The following ZBTB20 variants were observed in gnomAD, a reference collection of about 807,000 sequenced individuals.
The protein encoded by ZBTB20 is zinc finger and BTB domain containing 20, also known as zinc finger and BTB domain-containing protein 20.
A neutral mutation model predicts 56.9 loss-of-function variants in ZBTB20; 9 were observed. The ratio of observed to expected loss-of-function variants is 0.16; its 90% confidence interval spans 0.10 to 0.28. The LOEUF (loss-of-function observed/expected upper bound fraction) is 0.28. ZBTB20 is among the 10% of genes least tolerant of loss of function. The pLI is 1.00. For missense variants in ZBTB20, 655 were observed against 1,003.0 expected (o/e 0.65, Z 4.69); for synonymous variants, 417 against 420.7 (o/e 0.99, Z 0.11).
intron 6 of ZBTB20, among the ~76,000 whole-genome samples, chr3:114,518,190 G>A (rs953101017): frequency 6.6e-5 from 10 of 152,004 alleles, no homozygotes; most frequent in East Asian, 3.9e-4. Context: ...TGAAGTTTTC[G>A]GTTTCTTCTT....
At chr3:114,420,336 C>G (rs1306124694) in intron 7 of ZBTB20, among the ~76,000 whole-genome samples, 3 of 152,132 alleles carry the variant, frequency 2.0e-5, no homozygotes, top group Admixed American at 2.0e-4. Flanking sequence ...TGGAGTTATC[C>G]TTGGTGTTAA....
intron 10 of ZBTB20, 47 bp from the exon 11 acceptor site, chr3:114,351,925 A>G: frequency 2.6e-6 from 4 of 1,552,788 alleles, no homozygotes; most frequent in Non-Finnish European, 3.5e-6. Flanking sequence ...GGTCAGATCT[A>G]GCTGGTTGCA....
In ZBTB20 at chr3:114,701,380, A is replaced by G. The variant is rs1267762370; in HGVS notation, c.-342-7805T>C. Reference sequence around the variant, plus strand: ...AATTTCTTGCTCCTATTTCTTTAGCATTGTCTACAATATCTGATACCTATA... The same window carrying G: ...AATTTCTTGCTCCTATTTCTTTAGCGTTGTCTACAATATCTGATACCTATA... On this transcript the variant is annotated intron_variant, in intron 5 of 11. Coordinates refer to ENST00000675478, the MANE Select transcript of ZBTB20 (RefSeq NM_001348800.3). Among the ~76,000 whole-genome samples, 8 of 152,140 alleles carry G rather than the reference A, an allele frequency of 5.3e-5. 1 individual carries two copies. Among genetic ancestry groups the G allele is most frequent in the Non-Finnish European group, 1.2e-4 (8 of 68,030 alleles).
At chr3:114,375,962 T>C in intron 10 of ZBTB20, 1 of 152,342 alleles carries the variant, frequency 6.6e-6, no homozygotes, top group African/African-American at 2.4e-5. Context: ...AGTTAGTAAT[T>C]AATTGCTCTT....
At chr3:114,712,601 C>A (rs374105609) in intron 5 of ZBTB20, among the ~76,000 whole-genome samples, 68 of 148,702 alleles carry the variant, frequency 4.6e-4, no homozygotes, top group Non-Finnish European at 7.7e-4. Context: ...TGTGGTGAGC[C>A]GAGATCGTGC....
intron 4 of ZBTB20, among the ~76,000 whole-genome samples, chr3:114,865,190 A>G (rs1301604201): frequency 6.6e-6 from 1 of 152,162 alleles, no homozygotes; most frequent in Admixed American, 6.5e-5. Flanking sequence ...GAATTGAGTC[A>G]ACACTTCTAG....
chr3:114,939,380 G>A (rs2107843787), intron 3 of ZBTB20, among the ~76,000 whole-genome samples: 1 of 145,996 alleles, frequency 6.8e-6, no homozygotes, highest in South Asian at 2.1e-4. Flanking sequence ...CTATTACAAT[G>A]GAAAACTTAT....
intron 3 of ZBTB20, among the ~76,000 whole-genome samples, chr3:114,971,107 TA>T (rs2077864112): frequency 6.6e-6 from 1 of 152,258 alleles, no homozygotes; most frequent in Admixed American, 6.5e-5. Flanking sequence ...ACTGGGAATT[TA>T]TATATTTTAA....
chr3:114,560,416 T>C (rs2051856959), intron 6 of ZBTB20, among the ~76,000 whole-genome samples: 1 of 152,150 alleles, frequency 6.6e-6, no homozygotes, highest in Non-Finnish European at 1.5e-5. Context: ...CTTCACTTAA[T>C]CCTCCCAGCA....
intron 5 of ZBTB20, among the ~76,000 whole-genome samples, chr3:114,800,750 AAAAATAAAATAAAATAAAAT>A (rs149193013): frequency 5.1e-4 from 72 of 142,332 alleles, no homozygotes; most frequent in Middle Eastern, 3.5e-3. Flanking sequence ...TGAGACTAGT[AAAAATAAAATAAAATAAAAT>A]AAAATAAAAT....
intron 1 of ZBTB20, among the ~76,000 whole-genome samples, chr3:115,109,433 T>A (rs2083813003): frequency 1.3e-5 from 2 of 152,210 alleles, no homozygotes; most frequent in South Asian, 4.1e-4. Context: ...GTTGCTACTA[T>A]TAATAAGAAT....
chr3:114,431,204 A>C (rs1385373368), intron 7 of ZBTB20, among the ~76,000 whole-genome samples: 1 of 152,144 alleles, frequency 6.6e-6, no homozygotes, highest in African/African-American at 2.4e-5. Flanking sequence ...AGTCTTCCAG[A>C]GTGCTCCAGA....
intron 7 of ZBTB20, among the ~76,000 whole-genome samples, chr3:114,496,415 A>G (rs1195090484): frequency 6.6e-6 from 1 of 152,152 alleles, no homozygotes; most frequent in African/African-American, 2.4e-5. Context: ...CAAACACATA[A>G]TTGACCATCT....
chr3:114,514,184 A>G (rs1363151700), intron 6 of ZBTB20, among the ~76,000 whole-genome samples: 1 of 152,196 alleles, frequency 6.6e-6, no homozygotes, highest in Non-Finnish European at 1.5e-5. Context: ...AATTTAACAA[A>G]GGATTTATAT....
intron 2 of ZBTB20, among the ~76,000 whole-genome samples, chr3:115,030,766 A>G (rs2080638849): frequency 6.6e-6 from 1 of 151,270 alleles, no homozygotes; most frequent in Non-Finnish European, 1.5e-5. Flanking sequence ...ATATTCCTAA[A>G]AATCTAAACA....
chr3:114,367,589 G>A (rs1365471881), intron 10 of ZBTB20, among the ~76,000 whole-genome samples: 1 of 152,062 alleles, frequency 6.6e-6, no homozygotes, highest in Admixed American at 6.5e-5. Context: ...GAATGCACTT[G>A]AAGACAAAAA....
chr3:115,017,469 T>C lies in ZBTB20; in HGVS notation c.-506-43053A>G, dbSNP rs986159032. 3.8e-4 allele frequency among the ~76,000 whole-genome samples: 57 copies of C among 151,670 alleles called. 1 individual carries two copies. The highest frequency in any genetic ancestry group is 1.4e-3 in the African/African-American group (57 of 41,388). ...TGACCATAGTGCCCAAAGTAATTTA[T>C]AGATTCAATGCTATTTCCATTAAAC... On this transcript the variant is annotated intron_variant, in intron 2 of 11. Transcript: ENST00000675478.
intron 6 of ZBTB20, among the ~76,000 whole-genome samples, chr3:114,575,838 T>C (rs564239978): frequency 2.1e-4 from 32 of 152,302 alleles, no homozygotes; most frequent in South Asian, 6.2e-4. Flanking sequence ...AATGTGGAAA[T>C]AGCCATGAAT....
chr3:114,837,301 T>G (rs1216627904), intron 4 of ZBTB20, among the ~76,000 whole-genome samples: 2 of 152,214 alleles, frequency 1.3e-5, no homozygotes, highest in African/African-American at 4.8e-5. Context: ...ATAATCTCTA[T>G]TACAGTATAA....
Sources: allele counts gnomAD v4.1 joint callset (sites outside exome capture counted in the v4.1 genomes callset), GRCh38; gene constraint gnomAD v4.1.1; transcripts MANE v1.5; gene names NCBI Gene and HGNC (gene_info 2026-07-23, HGNC 2026-07-21).